Variants in TGFBR2 observed in about 807,000 individuals in gnomAD.
The protein encoded by TGFBR2 is TGF-beta receptor type-2.
In TGFBR2, 18 loss-of-function variants were observed where a neutral mutation model predicts 49.0. That is an observed-to-expected ratio of 0.37 (90% CI 0.25 to 0.54). TGFBR2 has a LOEUF of 0.54. Among genes scored for constraint, TGFBR2 ranks in the 20% least tolerant of loss-of-function variants. The pLI is 0.85. For missense variants in TGFBR2, 525 were observed against 722.6 expected (o/e 0.73, Z 3.13); for synonymous variants, 282 against 275.9 (o/e 1.02, Z -0.22).
At chr3:30,615,722 G>T (rs910927239) in intron 1 of TGFBR2, among the ~76,000 whole-genome samples, 1 of 144,656 alleles carries the variant, frequency 6.9e-6, no homozygotes, top group Admixed American at 6.8e-5. Flanking sequence ...TTAAAAATTT[G>T]TTGTTTGTAT....
At chr3:30,647,153 C>T (rs928535957) in intron 2 of TGFBR2, among the ~76,000 whole-genome samples, 2 of 152,178 alleles carry the variant, frequency 1.3e-5, no homozygotes, top group Non-Finnish European at 1.5e-5. Flanking sequence ...TGAGCCTTCC[C>T]TCCAGTGATG....
At position 30,672,019 on chromosome 3, in the gene TGFBR2, T is replaced by C. The variant is rs1318654289; in HGVS notation, c.836T>C (p.Phe279Ser). The C allele has an allele frequency of 6.2e-7, 1 of 1,614,050 alleles. No homozygotes were observed. The highest frequency in any genetic ancestry group is 8.5e-7 in the Non-Finnish European group (1 of 1,180,028). ...TTTGAGACAGTGGCAGTCAAGATCTTTCCCTATGAGGAGTATGCCTCTTGG... is the reference window on the plus strand; with the variant it reads ...TTTGAGACAGTGGCAGTCAAGATCTCTCCCTATGAGGAGTATGCCTCTTGG... ...EQFETVAVKI[F>S]PYEEYASWKT... Residue 279 changes from phenylalanine (F) to serine (S), a missense_variant, in exon 4 of 7, where the codon TTT (phenylalanine) becomes TCT (serine). By Grantham distance (155) the Phe-to-Ser change is radical (BLOSUM62 -2). This residue lies in a region of TGFBR2 where 376 missense variants were observed against 478.2 expected (regional missense o/e 0.79). Coordinates refer to ENST00000295754, the MANE Select transcript of TGFBR2 (RefSeq NM_003242.6). The surrounding 1 kb of genome is among the most constrained non-coding windows in gnomAD (Gnocchi z 4.5).
At chr3:30,609,884 A>T (rs1251844677) in intron 1 of TGFBR2, among the ~76,000 whole-genome samples, 1 of 152,184 alleles carries the variant, frequency 6.6e-6, no homozygotes, top group Non-Finnish European at 1.5e-5. Flanking sequence ...TTAATGAGTT[A>T]TGATTTATAC....
intron 3 of TGFBR2, among the ~76,000 whole-genome samples, chr3:30,664,677 C>T (rs148832228): frequency 1.8e-4 from 28 of 152,340 alleles, no homozygotes; most frequent in African/African-American, 6.3e-4. Context: ...TGCACACGCG[C>T]GTGCGCGCAC....
intron 1 of TGFBR2, among the ~76,000 whole-genome samples, chr3:30,627,741 G>A (rs1478006459): frequency 6.6e-6 from 1 of 152,014 alleles, no homozygotes; most frequent in African/African-American, 2.4e-5. Context: ...CATCTTAGAT[G>A]ATACATGTGG....
chr3:30,629,392 A>C (rs1042357212), intron 1 of TGFBR2, among the ~76,000 whole-genome samples: 1 of 152,218 alleles, frequency 6.6e-6, no homozygotes, highest in African/African-American at 2.4e-5. Flanking sequence ...AGCTCCTCCC[A>C]GTGGGGAAAG....
intron 1 of TGFBR2, among the ~76,000 whole-genome samples, chr3:30,634,371 A>G (rs1043203721): frequency 6.6e-6 from 1 of 152,248 alleles, no homozygotes; most frequent in Admixed American, 6.5e-5. Flanking sequence ...ATTAAAAAGC[A>G]CATCTTCATT....
In TGFBR2 at chr3:30,672,504, A is replaced by G; in HGVS notation, c.1254+67A>G. On this transcript the variant is annotated intron_variant, in intron 4 of 6. Transcript: ENST00000295754. This position sits in a 1 kb window ranked among gnomAD's most constrained non-coding sequence, Gnocchi z 4.5. ...GGCCTCACCCTACCTCTTGATCCAT[A>G]TCTCCTGGCTCTTATCTCAAACAGC... 2 of 1,532,542 alleles carry G rather than the reference A, an allele frequency of 1.3e-6. No homozygotes were observed. The highest frequency in any genetic ancestry group is 1.8e-6 in the Non-Finnish European group (2 of 1,106,612). The allele number at this position is 1,532,542 out of a possible 1,614,324, so 94.9% of individuals were successfully genotyped here.
intron 1 of TGFBR2, among the ~76,000 whole-genome samples, chr3:30,610,325 A>T (rs892608065): frequency 1.3e-5 from 2 of 151,156 alleles, no homozygotes; most frequent in African/African-American, 2.4e-5. Context: ...CAAAAGCCTC[A>T]TTTTTTTTTG....
intron 6 of TGFBR2, 54 bp from the exon 7 acceptor site, chr3:30,691,366 C>G (rs1464928727): frequency 6.9e-6 from 11 of 1,602,038 alleles, no homozygotes; most frequent in Non-Finnish European, 9.4e-6. Flanking sequence ...GCCACCTTGC[C>G]TTCCGCGGAG....
intron 3 of TGFBR2, among the ~76,000 whole-genome samples, chr3:30,664,658 GCA>G (rs1008345050): frequency 2.6e-5 from 4 of 152,204 alleles, no homozygotes; most frequent in African/African-American, 4.8e-5. Flanking sequence ...ATGCATGTGC[GCA>G]CACACATGCA....
Position 30,619,360 on chromosome 3 carries a change from C to T in TGFBR2, c.94+12383C>T, listed in dbSNP as rs547384570. 9.9e-5 allele frequency among the ~76,000 whole-genome samples: 15 copies of T among 152,250 alleles called. No individual in the cohort carries two copies. The South Asian group carries it at 3.1e-3, about 32-fold the overall frequency. On this transcript the variant is annotated intron_variant, in intron 1 of 6. Coordinates refer to ENST00000295754, the MANE Select transcript of TGFBR2 (RefSeq NM_003242.6). ...CAGGCATTGCCCTCAGTTAAATCTC[C>T]CCCCAGATGGCATTTTGAATAGCTG...
At chr3:30,645,562 C>T (rs1399311485) in intron 2 of TGFBR2, among the ~76,000 whole-genome samples, 6 of 145,218 alleles carry the variant, frequency 4.1e-5, no homozygotes, top group East Asian at 4.4e-4. Flanking sequence ...CTTGGCTCAC[C>T]GCAACCTCCA....
intron 1 of TGFBR2, among the ~76,000 whole-genome samples, chr3:30,619,178 A>G (rs1239000512): frequency 6.6e-6 from 1 of 152,190 alleles, no homozygotes; most frequent in African/African-American, 2.4e-5. Flanking sequence ...GTTATCCATC[A>G]GAAAAGTTAC....
chr3:30,616,057 A>T (rs1489715317), intron 1 of TGFBR2, among the ~76,000 whole-genome samples: 1 of 152,104 alleles, frequency 6.6e-6, no homozygotes, highest in African/African-American at 2.4e-5. Flanking sequence ...TGCCATTTTA[A>T]TTCTAAATAA....
chr3:30,681,645 A>C (rs1402870524), intron 5 of TGFBR2, among the ~76,000 whole-genome samples: 1 of 152,198 alleles, frequency 6.6e-6, no homozygotes, highest in African/African-American at 2.4e-5. Flanking sequence ...GTCGTTCTCA[A>C]GCAGTGAAAT....
intron 5 of TGFBR2, among the ~76,000 whole-genome samples, chr3:30,678,284 A>G (rs1318199885): frequency 3.3e-5 from 5 of 152,124 alleles, no homozygotes; most frequent in Admixed American, 3.3e-4. Context: ...GCGGTGGCTC[A>G]CGCCTGTAAT....
intron 1 of TGFBR2, among the ~76,000 whole-genome samples, chr3:30,621,227 T>C (rs1009984720): frequency 1.3e-5 from 2 of 151,590 alleles, no homozygotes; most frequent in Non-Finnish European, 2.9e-5. Context: ...GGTAGTGCCC[T>C]ACCTGCTCTA....
chr3:30,668,750 C>T (rs964541244), intron 3 of TGFBR2, among the ~76,000 whole-genome samples: 1 of 151,984 alleles, frequency 6.6e-6, no homozygotes, highest in African/African-American at 2.4e-5. Context: ...AAAATGCATT[C>T]ATATATCTTT....
Sources: allele counts gnomAD v4.1 joint callset (sites outside exome capture counted in the v4.1 genomes callset), GRCh38; gene constraint gnomAD v4.1.1; regional missense constraint gnomAD v4.1.1; non-coding constraint Gnocchi (gnomAD v3.1); transcripts MANE v1.5; gene names NCBI Gene and HGNC (gene_info 2026-07-23, HGNC 2026-07-21).